SPOCK1: variants seen among roughly 807,000 people sequenced by gnomAD.
SPOCK1 encodes the protein SPARC (osteonectin), cwcv and kazal like domains proteoglycan 1, also known as testican-1.
A neutral mutation model predicts 55.3 loss-of-function variants in SPOCK1; 23 were observed. The observed-to-expected ratio is 0.42, with a 90% CI of 0.30 to 0.59. The LOEUF (loss-of-function observed/expected upper bound fraction) is 0.59. Ranked by LOEUF, SPOCK1 falls within the 20% of genes least tolerant of loss-of-function variation. The probability of loss-of-function intolerance (pLI) is 0.22; values close to 1 mark genes in which losing one functional copy is unlikely to be tolerated. For missense variants in SPOCK1, 499 were observed against 552.5 expected, an observed-to-expected ratio of 0.90 and a Z score of 0.97; for synonymous variants, 226 against 221.0, an observed-to-expected ratio of 1.02 and a Z score of -0.20.
intron 2 of SPOCK1, among the ~76,000 whole-genome samples, chr5:137,302,774 C>G (rs993632619): frequency 1.1e-4 from 17 of 152,092 alleles, no homozygotes; most frequent in African/African-American, 3.9e-4. Context: ...TCCACGAGGA[C>G]TTCCGGACTC....
At chr5:136,996,188 G>A (rs1352321650) in intron 6 of SPOCK1, among the ~76,000 whole-genome samples, 1 of 152,178 alleles carries the variant, frequency 6.6e-6, no homozygotes, top group Middle Eastern at 3.2e-3. Flanking sequence ...GGGACCCAGA[G>A]GATACATCCC....
intron 2 of SPOCK1, among the ~76,000 whole-genome samples, chr5:137,453,212 T>A (rs1753293833): frequency 1.3e-5 from 2 of 152,326 alleles, no homozygotes; most frequent in Non-Finnish European, 2.9e-5. Flanking sequence ...AAAGTGATTA[T>A]GAAATTCGCT....
chr5:137,221,926 C>T (rs1205274476), intron 3 of SPOCK1, among the ~76,000 whole-genome samples: 2 of 152,200 alleles, frequency 1.3e-5, no homozygotes, highest in African/African-American at 4.8e-5. Flanking sequence ...CCACAGGGCT[C>T]AGGCACTGGG....
chr5:137,135,731 A>G (rs1753971861), intron 4 of SPOCK1, among the ~76,000 whole-genome samples: 1 of 152,244 alleles, frequency 6.6e-6, no homozygotes, highest in Non-Finnish European at 1.5e-5. Context: ...GAAATTGTAT[A>G]GTATCTCCCC....
intron 2 of SPOCK1, among the ~76,000 whole-genome samples, chr5:137,410,556 G>A (rs527454517): frequency 7.2e-5 from 11 of 152,320 alleles, no homozygotes; most frequent in South Asian, 2.1e-4. Flanking sequence ...AACAAGTTCC[G>A]TTCTGTGCCC....
At chr5:137,319,688 G>A (rs1757944658) in intron 2 of SPOCK1, among the ~76,000 whole-genome samples, 1 of 152,170 alleles carries the variant, frequency 6.6e-6, no homozygotes, top group Non-Finnish European at 1.5e-5. Flanking sequence ...GCTCACGCCT[G>A]TAATCCCAGC....
At chr5:137,365,256 T>C (rs561087908) in intron 2 of SPOCK1, 2 of 152,374 alleles carry the variant, frequency 1.3e-5, no homozygotes, top group Admixed American at 6.5e-5. Context: ...CCCCAGCCAT[T>C]CTGTCCATCC....
intron 2 of SPOCK1, among the ~76,000 whole-genome samples, chr5:137,310,052 A>C (rs1757763274): frequency 6.6e-6 from 1 of 152,136 alleles, no homozygotes; most frequent in Non-Finnish European, 1.5e-5. Flanking sequence ...GAGAGCATAG[A>C]CTTTCAAGCC....
At chr5:137,270,154 A>T (rs1242720596) in intron 2 of SPOCK1, among the ~76,000 whole-genome samples, 1 of 152,188 alleles carries the variant, frequency 6.6e-6, no homozygotes, top group African/African-American at 2.4e-5. Flanking sequence ...CCTCTGGCCC[A>T]ATAAAGTTAT....
At chr5:137,362,947 G>A (rs1179338527) in intron 2 of SPOCK1, among the ~76,000 whole-genome samples, 1 of 152,186 alleles carries the variant, frequency 6.6e-6, no homozygotes, top group Non-Finnish European at 1.5e-5. Context: ...AGGCTATACT[G>A]TCAAAAGGTG....
At chr5:137,077,530 T>C (rs1194634872) in intron 5 of SPOCK1, among the ~76,000 whole-genome samples, 1 of 152,234 alleles carries the variant, frequency 6.6e-6, no homozygotes, top group Non-Finnish European at 1.5e-5. Flanking sequence ...CTTTAACATG[T>C]TGCAATTAGC....
intron 3 of SPOCK1, among the ~76,000 whole-genome samples, chr5:137,203,379 G>A (rs1755461277): frequency 6.6e-6 from 1 of 151,954 alleles, no homozygotes. Flanking sequence ...TCACCACCCA[G>A]GTGTGATGAG....
intron 2 of SPOCK1, among the ~76,000 whole-genome samples, chr5:137,413,655 G>A (rs886110390): frequency 2.0e-5 from 3 of 152,084 alleles, no homozygotes; most frequent in Non-Finnish European, 4.4e-5. Context: ...TTCTCTGAAG[G>A]CACGACCTTT....
chr5:137,109,898 A>G (rs922196357), intron 5 of SPOCK1, among the ~76,000 whole-genome samples: 2 of 152,198 alleles, frequency 1.3e-5, no homozygotes, highest in Admixed American at 6.5e-5. Context: ...TTGAAATTAC[A>G]TATTTATATG....
intron 2 of SPOCK1, among the ~76,000 whole-genome samples, chr5:137,477,320 A>C (rs1407484329): frequency 6.6e-6 from 1 of 152,170 alleles, no homozygotes; most frequent in East Asian, 1.9e-4. Context: ...TCTTCTGATT[A>C]ATTTTCTCAA....
intron 2 of SPOCK1, among the ~76,000 whole-genome samples, chr5:137,372,989 A>G (rs1198807780): frequency 6.6e-6 from 1 of 152,208 alleles, no homozygotes; most frequent in East Asian, 1.9e-4. Context: ...TGCCAATTCT[A>G]AAAAGGCTTG....
intron 3 of SPOCK1, among the ~76,000 whole-genome samples, chr5:137,188,138 G>T (rs988312385): frequency 2.0e-5 from 3 of 152,180 alleles, no homozygotes; most frequent in Non-Finnish European, 4.4e-5. Context: ...CAGAAGAAAG[G>T]TTGGGAGCTC....
intron 2 of SPOCK1, among the ~76,000 whole-genome samples, chr5:137,442,973 AAGTTCCTCCAAT>A (rs1753048550): frequency 6.6e-6 from 1 of 152,106 alleles, no homozygotes; most frequent in Non-Finnish European, 1.5e-5. Flanking sequence ...TGTAATGCTC[AAGTTCCTCCAAT>A]TTGACATCTG....
intron 5 of SPOCK1, among the ~76,000 whole-genome samples, chr5:137,088,549 A>G (rs1184572207): frequency 6.6e-6 from 1 of 151,982 alleles, no homozygotes; most frequent in Non-Finnish European, 1.5e-5. Context: ...AAGTTTGCTA[A>G]TCCTCCTGCC....
Sources: allele counts gnomAD v4.1 joint callset (sites outside exome capture counted in the v4.1 genomes callset), GRCh38; gene constraint gnomAD v4.1.1; transcripts MANE v1.5; gene names NCBI Gene and HGNC (gene_info 2026-07-23, HGNC 2026-07-21).